The following CDYL variants were observed in gnomAD, a reference collection of about 807,000 sequenced individuals.
CDYL encodes the protein chromodomain Y like, also known as chromodomain Y-like protein.
CDYL carries 8 observed loss-of-function variants against 47.3 expected under a neutral mutation model. That is an observed-to-expected ratio of 0.17 (90% confidence interval 0.10 to 0.31). CDYL has a LOEUF of 0.31. Ranked by LOEUF, CDYL falls within the 10% of genes least tolerant of loss-of-function variation. The pLI, the probability that CDYL is intolerant of heterozygous loss-of-function variation, is 1.00. For synonymous variants in CDYL, 266 were observed against 265.0 expected, an observed-to-expected ratio of 1.00 and a Z score of -0.04; for missense variants, 471 against 701.4, an observed-to-expected ratio of 0.67 and a Z score of 3.71.
intron 2 of CDYL, among the ~76,000 whole-genome samples, chr6:4,914,570 C>A (rs528124013): frequency 3.9e-4 from 59 of 152,308 alleles, no homozygotes; most frequent in African/African-American, 1.4e-3. Context: ...GTGTGGCTGC[C>A]TTGCAACCTC....
chr6:4,939,282 A>AG (rs59884857), intron 4 of CDYL, among the ~76,000 whole-genome samples: 11 of 151,992 alleles, frequency 7.2e-5, no homozygotes, highest in East Asian at 5.8e-4. Flanking sequence ...TGTGGTGGGT[A>AG]GGGGGGCTCT....
intron 1 of CDYL, among the ~76,000 whole-genome samples, chr6:4,853,282 A>T (rs1048079140): frequency 1.3e-5 from 2 of 152,186 alleles, no homozygotes; most frequent in African/African-American, 4.8e-5. Context: ...AGTTCTCATA[A>T]CAACCGCGAG....
At chr6:4,925,376 C>T (rs188927720) in intron 2 of CDYL, among the ~76,000 whole-genome samples, 17 of 149,060 alleles carry the variant, frequency 1.1e-4, no homozygotes, top group South Asian at 2.2e-4. Context: ...ATTTGTTATG[C>T]GTCTGTCCTC....
At chr6:4,734,764 T>A (rs1376616410) in exon 3 of CDYL, 1 of 1,614,094 alleles carries the variant, frequency 6.2e-7, no homozygotes, top group Admixed American at 1.7e-5. Context: ...TGTGCTAGTG[T>A]CAGCACCAGA....
At chr6:4,730,043 G>A (rs1199628454) in intron 2 of CDYL, among the ~76,000 whole-genome samples, 1 of 152,126 alleles carries the variant, frequency 6.6e-6, no homozygotes, top group East Asian at 1.9e-4. Context: ...AGGCTTTGCT[G>A]GAGATATTAC....
At chr6:4,900,387 G>A (rs1168555927) in intron 2 of CDYL, among the ~76,000 whole-genome samples, 2 of 152,042 alleles carry the variant, frequency 1.3e-5, no homozygotes, top group Non-Finnish European at 2.9e-5. Flanking sequence ...TTCACCAATT[G>A]TTTACATTTT....
In CDYL at chr6:4,880,450, G is replaced by A. The variant is rs140408487; in HGVS notation, c.25-11263G>A. Among the ~76,000 whole-genome samples, 625 of 152,188 alleles carry A rather than the reference G, an allele frequency of 4.1e-3. 1 individual carries two copies. The highest frequency in any genetic ancestry group is 0.014 in the African/African-American group (588 of 41,526). ...CCATTTACCTACTGAACGACATTTTGATGGCTTCACAAGTTTTGGCTATTA... is the reference window on the plus strand; with the variant it reads ...CCATTTACCTACTGAACGACATTTTAATGGCTTCACAAGTTTTGGCTATTA... On this transcript the variant is annotated intron_variant, in intron 1 of 6. Transcript: ENST00000397588.
At chr6:4,761,162 T>G (rs1339212273) in intron 3 of CDYL, among the ~76,000 whole-genome samples, 1 of 152,236 alleles carries the variant, frequency 6.6e-6, no homozygotes, top group East Asian at 1.9e-4. Context: ...TGAGAGCCAG[T>G]TGAGATAAGC....
chr6:4,796,211 G>C (rs1759069082), intron 1 of CDYL, among the ~76,000 whole-genome samples: 1 of 152,144 alleles, frequency 6.6e-6, no homozygotes, highest in African/African-American at 2.4e-5. Context: ...GGCATTACAG[G>C]TGTGAGCCAC....
chr6:4,941,182 A>C (rs35354768), intron 4 of CDYL, among the ~76,000 whole-genome samples: 15,498 of 152,268 alleles, frequency 0.1, 968 homozygotes, highest in South Asian at 0.16. Context: ...TTGCATGGCA[A>C]ACATTTGAGT....
chr6:4,907,835 A>G (rs981318604), intron 2 of CDYL, among the ~76,000 whole-genome samples: 1 of 152,132 alleles, frequency 6.6e-6, no homozygotes, highest in African/African-American at 2.4e-5. Flanking sequence ...GATTTTGAGT[A>G]GCTTTTGCCC....
At chr6:4,754,416 A>G (rs1433670076) in intron 3 of CDYL, among the ~76,000 whole-genome samples, 1 of 152,212 alleles carries the variant, frequency 6.6e-6, no homozygotes, top group Non-Finnish European at 1.5e-5. Context: ...ATTGAAGGGT[A>G]AATAGGCACT....
At chr6:4,915,527 T>C (rs1001702880) in intron 2 of CDYL, among the ~76,000 whole-genome samples, 1 of 152,080 alleles carries the variant, frequency 6.6e-6, no homozygotes, top group Non-Finnish European at 1.5e-5. Flanking sequence ...CCCTTACCGC[T>C]TTGGAGTTTA....
intron 2 of CDYL, among the ~76,000 whole-genome samples, chr6:4,901,077 T>G (rs955171213): frequency 6.6e-6 from 1 of 151,422 alleles, no homozygotes; most frequent in Non-Finnish European, 1.5e-5. Flanking sequence ...GTGCATTAAT[T>G]TTATGGTTCC....
At chr6:4,745,840 G>A (rs1418041665) in intron 3 of CDYL, among the ~76,000 whole-genome samples, 1 of 152,136 alleles carries the variant, frequency 6.6e-6, no homozygotes, top group Non-Finnish European at 1.5e-5. Flanking sequence ...GCCAAGTGTG[G>A]GCAGACTGGA....
At chr6:4,731,673 C>T (rs1757607389) in intron 2 of CDYL, among the ~76,000 whole-genome samples, 1 of 152,074 alleles carries the variant, frequency 6.6e-6, no homozygotes, top group Non-Finnish European at 1.5e-5. Flanking sequence ...GTGGCATGCA[C>T]CTGTAATCCC....
At chr6:4,862,610 A>G (rs1271151805) in intron 1 of CDYL, among the ~76,000 whole-genome samples, 1 of 152,002 alleles carries the variant, frequency 6.6e-6, no homozygotes, top group African/African-American at 2.4e-5. Context: ...GTTAATGTGA[A>G]TGCCCACTAT....
At chr6:4,834,884 T>C (rs1359414312) in intron 1 of CDYL, among the ~76,000 whole-genome samples, 14 of 152,190 alleles carry the variant, frequency 9.2e-5, no homozygotes, top group African/African-American at 9.7e-5. Flanking sequence ...GAGGCTTCTG[T>C]ATTCTTCACG....
intron 1 of CDYL, among the ~76,000 whole-genome samples, chr6:4,707,741 T>C (rs551960489): frequency 7.2e-5 from 11 of 152,260 alleles, no homozygotes; most frequent in Admixed American, 2.0e-4. Context: ...TATTTTCTGA[T>C]TTTTTTATAG....
Sources: gnomAD v4.1 joint callset for allele counts (sites outside exome capture counted in the v4.1 genomes callset) on GRCh38, gnomAD v4.1.1 for gene constraint, MANE v1.5 for transcripts, NCBI Gene and HGNC (gene_info 2026-07-23, HGNC 2026-07-21) for gene names.